Variants in SLC39A14 observed in about 807,000 individuals in gnomAD.
SLC39A14 encodes the protein metal cation symporter ZIP14.
Under a neutral mutation model 45.5 loss-of-function variants are expected in SLC39A14, and 19 were observed. That is an observed-to-expected ratio of 0.42 (90% CI 0.29 to 0.61). The LOEUF (loss-of-function observed/expected upper bound fraction) is 0.61. Among genes scored for constraint, SLC39A14 ranks in the 20% least tolerant of loss-of-function variants. The pLI, the probability that SLC39A14 is intolerant of heterozygous loss-of-function variation, is 0.22. For missense variants in SLC39A14, 447 were observed against 616.5 expected (o/e 0.73, Z 2.91); for synonymous variants, 264 against 251.3 (o/e 1.05, Z -0.48).
Position 22,409,940 on chromosome 8 carries a change from CCA to C in SLC39A14, c.457+1447_457+1448del, listed in dbSNP as rs1482452903. 14 of 1,613,734 alleles carry C rather than the reference CCA, an allele frequency of 8.7e-6. 1 individual carries two copies. The highest frequency in any genetic ancestry group is 1.0e-5 in the Non-Finnish European group (12 of 1,180,018). On this transcript the variant is annotated intron_variant, in intron 3 of 8. Transcript: ENST00000381237. The stretch of plus-strand genomic sequence containing the variant: ...GAGGCCCTCGTCTGTTCTTGTTCCT[CCA>C]CAGTGTGGGGCTTTGGTTTTCTCAG...
At position 22,416,257 on chromosome 8, in the gene SLC39A14, G is replaced by A; in HGVS notation, c.1124G>A (p.Cys375Tyr). Residue 375 changes from cysteine (C) to tyrosine (Y), a missense_variant, in exon 7 of 9, where the codon TGT becomes TAT. By Grantham distance (194) the Cys-to-Tyr change is radical (BLOSUM62 -2). Around this residue, in one of 2 missense-constraint regions of SLC39A14, gnomAD observed 105 missense variants for 188.4 expected, o/e 0.56. Transcript: ENST00000381237. ...ATCAGCACCTCGGTGGCCATCCTCTGTGAGGAGTTCCCACATGAGCTAGGT... is the reference window on the plus strand; with the variant it reads ...ATCAGCACCTCGGTGGCCATCCTCTATGAGGAGTTCCCACATGAGCTAGGT... ...QGISTSVAIL[C>Y]EEFPHELGDF... is the part of the protein sequence containing the mutation. 1.2e-6 allele frequency: 2 copies of A among 1,613,120 alleles called. No homozygotes were observed. The highest frequency in any genetic ancestry group is 1.7e-6 in the Non-Finnish European group (2 of 1,180,002).
intron 1 of SLC39A14, among the ~76,000 whole-genome samples, chr8:22,399,464 G>C (rs1294011799): frequency 6.6e-6 from 1 of 152,220 alleles, no homozygotes; most frequent in Non-Finnish European, 1.5e-5. Flanking sequence ...CAACCCTTGC[G>C]GGTGAGTGCA....
intron 5 of SLC39A14, chr8:22,415,248 A>G (rs1036640276): frequency 3.1e-5 from 8 of 257,122 alleles, no homozygotes; most frequent in Non-Finnish European, 5.1e-5. Flanking sequence ...GGCTGCAGAG[A>G]AACAGGACTA....
At chr8:22,379,712 C>T (rs1005786060) in intron 1 of SLC39A14, among the ~76,000 whole-genome samples, 9 of 152,176 alleles carry the variant, frequency 5.9e-5, no homozygotes, top group Admixed American at 5.2e-4. Context: ...GGGTGGATCA[C>T]GAGGTCAAGA....
intron 7 of SLC39A14, 22 bp from the exon 8 acceptor site, chr8:22,417,629 C>G: frequency 4.4e-6 from 7 of 1,607,124 alleles, no homozygotes; most frequent in Non-Finnish European, 6.0e-6. Flanking sequence ...CGTCCCTCCC[C>G]TTTTCATTCT....
downstream of SLC39A14, among the ~76,000 whole-genome samples, chr8:22,424,940 A>T (rs1428750745): frequency 6.7e-6 from 1 of 150,164 alleles, no homozygotes; most frequent in African/African-American, 2.4e-5. Flanking sequence ...GACGCAGGAG[A>T]ATCACTTGAA....
At chr8:22,368,209 T>A (rs1832740059) in intron 1 of SLC39A14, among the ~76,000 whole-genome samples, 1 of 152,184 alleles carries the variant, frequency 6.6e-6, no homozygotes, top group Admixed American at 6.5e-5. Flanking sequence ...TGCTCTCTTG[T>A]GGCCCGAATG....
intron 1 of SLC39A14, among the ~76,000 whole-genome samples, chr8:22,400,029 G>A (rs185903687): frequency 3.3e-4 from 51 of 152,318 alleles, no homozygotes; most frequent in African/African-American, 1.2e-3. Context: ...GCACTGCAGA[G>A]CATTGTAAGC....
chr8:22,370,686 A>G (rs1319241440), intron 1 of SLC39A14, among the ~76,000 whole-genome samples: 2 of 152,174 alleles, frequency 1.3e-5, no homozygotes, highest in Non-Finnish European at 2.9e-5. Context: ...CTTGGAAACT[A>G]GAAGAGGAAG....
At chr8:22,386,699 G>C (rs927384289) in intron 1 of SLC39A14, among the ~76,000 whole-genome samples, 5 of 152,204 alleles carry the variant, frequency 3.3e-5, no homozygotes, top group African/African-American at 9.6e-5. Flanking sequence ...GGAAGCCCAG[G>C]TAAGAGATTG....
chr8:22,409,967 G>A, intron 3 of SLC39A14: 1 of 1,614,032 alleles, frequency 6.2e-7, no homozygotes, highest in Non-Finnish European at 8.5e-7. Context: ...GGTTTTCTCA[G>A]TGTCTCACTG....
At position 22,421,103 on chromosome 8, in the gene SLC39A14, T is replaced by A; in HGVS notation, c.*1405T>A. 1.0e-6 allele frequency: 1 copy of A among 985,864 alleles called. No homozygotes were observed. The highest frequency in any genetic ancestry group is 1.2e-6 in the Non-Finnish European group (1 of 829,928). The allele number at this position is 985,864 out of a possible 1,614,324, so 61.1% of individuals were successfully genotyped here. On this transcript the variant is annotated 3_prime_UTR_variant, in exon 9 of 9. Transcript: ENST00000381237. ...TTATTATCATATTGATAATGTGAGATTCTTTAGCCACTTTGGGGAGCCTGT... is the reference window on the plus strand; with the variant it reads ...TTATTATCATATTGATAATGTGAGAATCTTTAGCCACTTTGGGGAGCCTGT...
At chr8:22,425,750 G>T (rs540581821), downstream of SLC39A14, among the ~76,000 whole-genome samples, 4 of 151,884 alleles carry the variant, frequency 2.6e-5, no homozygotes, top group Non-Finnish European at 4.4e-5. Flanking sequence ...AGTATCCTTT[G>T]TAACAGCAAT....
intron 7 of SLC39A14, among the ~76,000 whole-genome samples, chr8:22,416,835 C>T (rs1267989686): frequency 6.6e-6 from 1 of 152,136 alleles, no homozygotes; most frequent in Non-Finnish European, 1.5e-5. Context: ...GCTCAGTTCT[C>T]ACCTATACAG....
chr8:22,367,998 A>G lies in SLC39A14; in HGVS notation c.-16+590A>G, dbSNP rs1363620717. 2.0e-5 allele frequency among the ~76,000 whole-genome samples: 3 copies of G among 152,054 alleles called. No individual in the cohort carries two copies. Among genetic ancestry groups the G allele is most frequent in the African/African-American group, 7.2e-5 (3 of 41,380 alleles). On this transcript the variant is annotated intron_variant, in intron 1 of 8. Transcript: ENST00000381237. This position sits in a 1 kb window ranked among gnomAD's most constrained non-coding sequence, Gnocchi z 4.2. ...CCTCTTGGTGGGTGAGGGCAGTGGG[A>G]CAAAGTCGCCATCCGAGCAGTTTCA...
intron 7 of SLC39A14, among the ~76,000 whole-genome samples, chr8:22,417,029 G>T (rs1236274001): frequency 6.6e-6 from 1 of 152,190 alleles, no homozygotes; most frequent in Non-Finnish European, 1.5e-5. Context: ...ATGAACCAGG[G>T]GGTAGGAGGG....
rs116834481 is a variant in SLC39A14, at chr8:22,382,315, C to T, written c.-16+14907C>T. Among the ~76,000 whole-genome samples, 612 of 152,178 alleles carry T rather than the reference C, an allele frequency of 4.0e-3. 5 individuals carry two copies. Among genetic ancestry groups the T allele is most frequent in the African/African-American group, 0.014 (581 of 41,522 alleles). On this transcript the variant is annotated intron_variant, in intron 1 of 8. Coordinates refer to ENST00000381237, the MANE Select transcript of SLC39A14 (RefSeq NM_001128431.4). ...ATTATAAAGACGGAATAATTTAATA[C>T]TCAGTATTGGTGAGAATCCTATGAA...
chr8:22,423,013 G>A (rs1836309787), downstream of SLC39A14, among the ~76,000 whole-genome samples: 1 of 151,758 alleles, frequency 6.6e-6, no homozygotes, highest in Non-Finnish European at 1.5e-5. Flanking sequence ...TAGTAGAGAT[G>A]GGGTTTCGCC....
At chr8:22,427,460 A>G (rs1836405289), downstream of SLC39A14, among the ~76,000 whole-genome samples, 1 of 151,768 alleles carries the variant, frequency 6.6e-6, no homozygotes, top group Admixed American at 6.6e-5. Context: ...AAAGGGAATC[A>G]TTTTCTTGCT....
Sources: gnomAD v4.1 joint callset for allele counts (sites outside exome capture counted in the v4.1 genomes callset) on GRCh38, gnomAD v4.1.1 for gene constraint, gnomAD v4.1.1 regional missense constraint, Gnocchi (gnomAD v3.1) non-coding constraint, MANE v1.5 for transcripts, NCBI Gene and HGNC (gene_info 2026-07-23, HGNC 2026-07-21) for gene names.